The following MAD1L1 variants were observed in gnomAD, a reference collection of about 807,000 sequenced individuals.
MAD1L1 encodes the protein mitotic arrest deficient 1 like 1.
MAD1L1 carries 95 observed loss-of-function variants against 96.9 expected under a neutral mutation model. The observed-to-expected ratio is 0.98, with a 90% confidence interval of 0.83 to 1.16. The LOEUF (loss-of-function observed/expected upper bound fraction) is 1.16. Among genes scored for constraint, MAD1L1 ranks in the 50% most tolerant of loss-of-function variants. MAD1L1 has a pLI of 0.00. For missense variants in MAD1L1, 1,007 were observed against 954.4 expected (o/e 1.06, Z -0.73); for synonymous variants, 473 against 396.6 (o/e 1.19, Z -2.29).
chr7:2,111,292 C>G (rs1455195792), intron 11 of MAD1L1, among the ~76,000 whole-genome samples: 1 of 152,226 alleles, frequency 6.6e-6, no homozygotes, highest in Non-Finnish European at 1.5e-5. Flanking sequence ...CTCCATGCAC[C>G]CCTCCACCTC....
chr7:1,854,335 C>G (rs1391140616), intron 18 of MAD1L1: 3 of 466,406 alleles, frequency 6.4e-6, no homozygotes, highest in Non-Finnish European at 1.3e-5. Flanking sequence ...GGCAGCTCGT[C>G]CCCAACCCCC....
intron 5 of MAD1L1, among the ~76,000 whole-genome samples, chr7:2,221,650 A>T (rs1215758800): frequency 6.6e-6 from 1 of 152,222 alleles, no homozygotes; most frequent in Non-Finnish European, 1.5e-5. Flanking sequence ...AAATGCAAGC[A>T]ACCTTCACCA....
At chr7:2,215,549 A>T (rs767895277) in intron 9 of MAD1L1, among the ~76,000 whole-genome samples, 12 of 152,006 alleles carry the variant, frequency 7.9e-5, no homozygotes, top group Non-Finnish European at 1.5e-4. Flanking sequence ...GATGACCCAC[A>T]TTCCTTGGCT....
intron 13 of MAD1L1, among the ~76,000 whole-genome samples, chr7:2,012,460 T>C (rs1782345559): frequency 1.3e-5 from 2 of 152,282 alleles, no homozygotes; most frequent in Admixed American, 6.5e-5. Flanking sequence ...TTAACGCACT[T>C]AGGTTTACGA....
At chr7:1,919,035 C>T (rs185450363) in intron 17 of MAD1L1, among the ~76,000 whole-genome samples, 19 of 152,378 alleles carry the variant, frequency 1.2e-4, no homozygotes, top group Admixed American at 2.6e-4. Context: ...CCCATGCCGC[C>T]GTGATCCGGC....
intron 18 of MAD1L1, among the ~76,000 whole-genome samples, chr7:1,818,849 T>A (rs1295515998): frequency 7.1e-6 from 1 of 141,014 alleles, no homozygotes; most frequent in Admixed American, 7.0e-5. Flanking sequence ...TATACCGCGC[T>A]GCCCTCCAGG....
chr7:1,828,662 C>CT lies in MAD1L1; in HGVS notation c.1999-12435dup, dbSNP rs1782551067. On this transcript the variant is annotated intron_variant, in intron 18 of 18. Transcript: ENST00000265854. The stretch of plus-strand genomic sequence containing the variant: ...ACCAGGCTGTTTCCAAGTACCTGAA[C>CT]TGTGTCTCCGAACAGAGCTCACGAA... 3.9e-5 allele frequency among the ~76,000 whole-genome samples: 6 copies of CT among 152,294 alleles called. No homozygotes were observed. In the South Asian group the frequency reaches 1.2e-3, roughly 32 times the overall value.
intron 10 of MAD1L1, among the ~76,000 whole-genome samples, chr7:2,181,401 G>C (rs1469351359): frequency 6.6e-6 from 1 of 152,152 alleles, no homozygotes; most frequent in Non-Finnish European, 1.5e-5. Flanking sequence ...TTAGCCATGA[G>C]AAATACAAAT....
At chr7:2,216,340 T>G in intron 7 of MAD1L1, 53 bp from the exon 8 acceptor site, 1 of 1,579,008 alleles carries the variant, frequency 6.3e-7, no homozygotes, top group Non-Finnish European at 8.6e-7. Context: ...CGAAGAGACC[T>G]GGAGAAAATC....
intron 9 of MAD1L1, 101 bp downstream of exon 9, chr7:2,215,784 A>G (rs980597931): frequency 1.0e-5 from 11 of 1,061,666 alleles, no homozygotes; most frequent in African/African-American, 1.6e-5. Flanking sequence ...AGCAACCTCC[A>G]TGTTGTAGGT....
intron 13 of MAD1L1, among the ~76,000 whole-genome samples, chr7:2,009,610 G>A (rs538334226): frequency 3.3e-5 from 5 of 152,314 alleles, no homozygotes; most frequent in East Asian, 1.9e-4. Flanking sequence ...CCCTGTGGGT[G>A]GAGGTCTGAG....
chr7:1,981,421 G>A lies in MAD1L1; in HGVS notation c.1417-880C>T, dbSNP rs149741824. ...GTCAGGCAGGCTGGCGCAGGCTGAG[G>A]GGCTACGTAGGCACCAGCTCCAGGG... On this transcript the variant is annotated intron_variant, in intron 14 of 18. Transcript: ENST00000265854. Among the ~76,000 whole-genome samples, 261 of 152,256 alleles carry A rather than the reference G, an allele frequency of 1.7e-3. 2 individuals carry two copies. Among genetic ancestry groups the A allele is most frequent in the African/African-American group, 5.9e-3 (244 of 41,548 alleles).
chr7:1,838,095 C>T (rs1219104448), intron 18 of MAD1L1, among the ~76,000 whole-genome samples: 1 of 152,232 alleles, frequency 6.6e-6, no homozygotes, highest in African/African-American at 2.4e-5. Flanking sequence ...GCAGGGGCTG[C>T]AGTCCCTCTA....
chr7:2,165,309 G>A (rs2128591229), intron 10 of MAD1L1, among the ~76,000 whole-genome samples: 2 of 152,360 alleles, frequency 1.3e-5, no homozygotes, highest in Non-Finnish European at 2.9e-5. Flanking sequence ...GCTGGACTGG[G>A]GGGACCCCGG....
intron 14 of MAD1L1, among the ~76,000 whole-genome samples, chr7:2,000,185 C>T (rs1274307670): frequency 6.6e-6 from 1 of 152,142 alleles, no homozygotes; most frequent in African/African-American, 2.4e-5. Context: ...CCACCCGGGG[C>T]GGAATGCCGA....
chr7:2,119,380 C>G lies in MAD1L1; in HGVS notation c.1073+29772G>C, dbSNP rs530306913. Among the ~76,000 whole-genome samples the G allele has an allele frequency of 6.6e-6, 1 of 152,162 alleles. No homozygotes were observed. Among genetic ancestry groups the G allele is most frequent in the African/African-American group, 2.4e-5 (1 of 41,436 alleles). ...TGACAGTGGCCCACATGGTTTAGGA[C>G]GGGGTGAGAGTCCTCCATCTCCCAC... is the stretch of plus-strand genomic sequence containing the variant. On this transcript the variant is annotated intron_variant, in intron 11 of 18. Coordinates refer to ENST00000265854, the MANE Select transcript of MAD1L1 (RefSeq NM_001013836.2). This position sits in a 1 kb window ranked among gnomAD's most constrained non-coding sequence, Gnocchi z 4.6.
intron 17 of MAD1L1, among the ~76,000 whole-genome samples, chr7:1,913,002 C>T (rs1282631030): frequency 6.6e-6 from 1 of 152,154 alleles, no homozygotes; most frequent in Non-Finnish European, 1.5e-5. Context: ...CAGGCGAGCC[C>T]CCTCTGAGAA....
chr7:2,207,492 C>A (rs923825898), intron 10 of MAD1L1, among the ~76,000 whole-genome samples: 1 of 152,142 alleles, frequency 6.6e-6, no homozygotes, highest in African/African-American at 2.4e-5. Flanking sequence ...ATCAATCATG[C>A]CTCTGTGATG....
intron 18 of MAD1L1, among the ~76,000 whole-genome samples, chr7:1,890,962 C>T (rs550096912): frequency 2.6e-5 from 4 of 152,294 alleles, no homozygotes; most frequent in South Asian, 4.1e-4. Flanking sequence ...ATCAGACAGA[C>T]GCCAGCAGCG....
Sources: allele counts gnomAD v4.1 joint callset (sites outside exome capture counted in the v4.1 genomes callset), GRCh38; gene constraint gnomAD v4.1.1; non-coding constraint Gnocchi (gnomAD v3.1); transcripts MANE v1.5; gene names NCBI Gene and HGNC (gene_info 2026-07-23, HGNC 2026-07-21).